UIMC1: variants seen among roughly 807,000 people sequenced by gnomAD.
UIMC1 encodes the protein BRCA1-A complex subunit RAP80.
In UIMC1, 42 loss-of-function variants were observed where a neutral mutation model predicts 84.9. That is an observed-to-expected ratio of 0.49 (90% CI 0.39 to 0.64). The LOEUF (loss-of-function observed/expected upper bound fraction) is 0.64. UIMC1 is among the 30% of genes least tolerant of loss of function. The pLI, the probability that UIMC1 is intolerant of heterozygous loss-of-function variation, is 0.00. For missense variants in UIMC1, 825 were observed against 847.6 expected (o/e 0.97, Z 0.33); for synonymous variants, 281 against 293.0 (o/e 0.96, Z 0.42).
At chr5:177,014,944 G>C (rs1775641325) in intron 1 of UIMC1, among the ~76,000 whole-genome samples, 2 of 152,088 alleles carry the variant, frequency 1.3e-5, no homozygotes, top group African/African-American at 4.8e-5. Context: ...GGTAAGAAAG[G>C]AGTATAGACC....
intron 10 of UIMC1, among the ~76,000 whole-genome samples, chr5:176,921,012 CT>C (rs1761636861): frequency 6.6e-6 from 1 of 152,142 alleles, no homozygotes; most frequent in South Asian, 2.1e-4. Flanking sequence ...CTCTCAAATG[CT>C]TTTTCTGTGT....
intron 10 of UIMC1, among the ~76,000 whole-genome samples, chr5:176,934,302 C>A (rs1476796077): frequency 6.6e-6 from 1 of 152,150 alleles, no homozygotes; most frequent in Non-Finnish European, 1.5e-5. Flanking sequence ...AAATTTAGAA[C>A]TGCCTTAATT....
At chr5:176,916,554 A>C (rs1761000986) in intron 10 of UIMC1, among the ~76,000 whole-genome samples, 1 of 152,242 alleles carries the variant, frequency 6.6e-6, no homozygotes, top group African/African-American at 2.4e-5. Context: ...ACAATTTCCT[A>C]ACCTGTTGAA....
chr5:176,997,676 CT>C (rs1561915680), intron 1 of UIMC1, among the ~76,000 whole-genome samples: 5 of 77,198 alleles, frequency 6.5e-5, no homozygotes, highest in African/African-American at 4.9e-4. Flanking sequence ...CAGAGCGAGA[CT>C]CTGTCTCAAA....
At chr5:176,999,738 C>T (rs1774172016) in intron 1 of UIMC1, among the ~76,000 whole-genome samples, 1 of 152,150 alleles carries the variant, frequency 6.6e-6, no homozygotes, top group African/African-American at 2.4e-5. Context: ...GGATCTCATT[C>T]ATTTTTATGG....
At position 176,924,939 on chromosome 5, in the gene UIMC1, G is replaced by A. The variant is rs933686238; in HGVS notation, c.1598-13550C>T. ...TCAGCTACTCAGGAGGCTGAGGCAGGAGAATCGCTTGAACCTGAGAGGCAG... is the reference window on the plus strand; with the variant it reads ...TCAGCTACTCAGGAGGCTGAGGCAGAAGAATCGCTTGAACCTGAGAGGCAG... On this transcript the variant is annotated intron_variant, in intron 10 of 14. Coordinates refer to ENST00000511320, the MANE Select transcript of UIMC1 (RefSeq NM_001199298.2). Among the ~76,000 whole-genome samples the A allele has an allele frequency of 6.0e-5, 9 of 151,160 alleles. No homozygotes were observed. The South Asian group carries it at 1.7e-3, about 28-fold the overall frequency.
At chr5:176,964,124 T>A (rs1439105608) in intron 6 of UIMC1, among the ~76,000 whole-genome samples, 1 of 152,226 alleles carries the variant, frequency 6.6e-6, no homozygotes, top group Non-Finnish European at 1.5e-5. Flanking sequence ...TTGCTATCTC[T>A]ATCAACCAAG....
At chr5:176,981,686 A>T (rs1771078641) in intron 2 of UIMC1, among the ~76,000 whole-genome samples, 1 of 152,084 alleles carries the variant, frequency 6.6e-6, no homozygotes, top group South Asian at 2.1e-4. Flanking sequence ...CTGTAGTCCC[A>T]ACTACATGGG....
chr5:176,912,121 ACAGATAATT>A (rs1456786628), intron 10 of UIMC1, among the ~76,000 whole-genome samples: 1 of 152,212 alleles, frequency 6.6e-6, no homozygotes, highest in Non-Finnish European at 1.5e-5. Context: ...AATCCCCACA[ACAGATAATT>A]TAGCAGGGTT....
rs1211680743 is a variant in UIMC1 at position 176,960,616 on chromosome 5, C to T, written c.1201-2462G>A. Among the ~76,000 whole-genome samples, 14 of 10,846 alleles carry T rather than the reference C, an allele frequency of 1.3e-3. 3 individuals are homozygous for T. Among genetic ancestry groups the T allele is most frequent in the Middle Eastern group, 0.062 (1 of 16 alleles). 7.1% of individuals were successfully genotyped at this position (10,846 alleles called of 152,430 possible). On this transcript the variant is annotated intron_variant, in intron 6 of 14. Transcript: ENST00000511320. ...AAATTCAGCCCTCTCTCCCTCTCCC[C>T]CTCCCCCTCCCCCTCCGTCTCCGTC...
At chr5:176,906,214 A>C (rs1362912531) in intron 13 of UIMC1, 167 bp from the exon 14 acceptor site, 7 of 602,324 alleles carry the variant, frequency 1.2e-5, no homozygotes, top group Non-Finnish European at 2.0e-5. Context: ...ATTAGTGTCC[A>C]ACAGACTCAG....
At chr5:176,951,944 T>C (rs1174073646) in intron 8 of UIMC1, among the ~76,000 whole-genome samples, 3 of 152,240 alleles carry the variant, frequency 2.0e-5, no homozygotes, top group Non-Finnish European at 4.4e-5. Context: ...GAACTCTTTA[T>C]AATGACCAGT....
intron 1 of UIMC1, among the ~76,000 whole-genome samples, chr5:176,992,729 C>G (rs751914933): frequency 6.6e-6 from 1 of 151,818 alleles, no homozygotes; most frequent in Non-Finnish European, 1.5e-5. Flanking sequence ...TCACCTGAAC[C>G]AGGGAGGTCA....
rs777119334 is a variant in UIMC1, at chr5:176,952,570, G to C, written c.1340-993C>G. On this transcript the variant is annotated intron_variant, in intron 8 of 14. Transcript: ENST00000511320. ...TGGCTGTTTTTGCACTAAAATGGCC[G>C]AACCAAATAGTCTCAACAGACTATA... is the stretch of plus-strand genomic sequence containing the variant. Among the ~76,000 whole-genome samples, 5 of 152,176 alleles carry C rather than the reference G, an allele frequency of 3.3e-5. No individual in the cohort carries two copies. The East Asian group carries it at 5.8e-4, about 18-fold the overall frequency.
Position 176,908,609 on chromosome 5 carries a change from C to T in UIMC1, c.1762G>A (p.Ala588Thr), listed in dbSNP as rs755508378. 2 of 1,614,170 alleles carry T rather than the reference C, an allele frequency of 1.2e-6. No homozygotes were observed. The highest frequency in any genetic ancestry group is 2.2e-5 in the East Asian group (1 of 44,888). Residue 588 changes from alanine to threonine, a missense_variant, in exon 12 of 15, where the codon GCT becomes ACT. By Grantham distance (58) the Ala-to-Thr change is moderately conservative. Transcript: ENST00000511320. ...CCTTCAGGTCCATCTCCTTGGTCAGCCTTTGCAAGCTGGAGACAGGAGTCC... is the reference window on the plus strand; with the variant it reads ...CCTTCAGGTCCATCTCCTTGGTCAGTCTTTGCAAGCTGGAGACAGGAGTCC... ...HVDSCLQLAK[A>T]DQGDGPEGSG...
At chr5:176,992,440 CAT>C (rs750166560) in intron 1 of UIMC1, among the ~76,000 whole-genome samples, 6 of 146,958 alleles carry the variant, frequency 4.1e-5, no homozygotes, top group Non-Finnish European at 7.4e-5. Flanking sequence ...GCCTCAGCAA[CAT>C]AGTGAGACCC....
chr5:177,005,393 TAA>T (rs1775113092), intron 1 of UIMC1, among the ~76,000 whole-genome samples: 9 of 152,038 alleles, frequency 5.9e-5, no homozygotes, highest in Admixed American at 5.9e-4. Context: ...CTCTAATAAC[TAA>T]ATACAATGAA....
chr5:176,946,220 C>T (rs554663087), intron 9 of UIMC1, among the ~76,000 whole-genome samples: 1 of 152,230 alleles, frequency 6.6e-6, no homozygotes, highest in South Asian at 2.1e-4. Context: ...TGCCGATCTG[C>T]CTAGGAACAA....
chr5:177,010,946 A>G (rs1274995049), upstream of UIMC1, among the ~76,000 whole-genome samples: 3 of 152,146 alleles, frequency 2.0e-5, no homozygotes, highest in African/African-American at 7.2e-5. Flanking sequence ...TTATCCCTGT[A>G]CTTTGGGAGG....
Sources: gnomAD v4.1 joint callset for allele counts (sites outside exome capture counted in the v4.1 genomes callset) on GRCh38, gnomAD v4.1.1 for gene constraint, MANE v1.5 for transcripts, NCBI Gene and HGNC (gene_info 2026-07-23, HGNC 2026-07-21) for gene names.